Variants in SKAP1 observed in about 807,000 individuals in gnomAD.
SKAP1 encodes src kinase-associated phosphoprotein 1.
SKAP1 carries 44 observed loss-of-function variants against 58.5 expected under a neutral mutation model. The ratio of observed to expected loss-of-function variants is 0.75; its 90% confidence interval spans 0.59 to 0.97. The LOEUF is 0.97. Among genes scored for constraint, SKAP1 ranks in the 50% least tolerant of loss-of-function variants. The pLI is 0.00. For missense variants in SKAP1, 390 were observed against 435.2 expected, an observed-to-expected ratio of 0.90 and a Z score of 0.92; for synonymous variants, 127 against 149.7, an observed-to-expected ratio of 0.85 and a Z score of 1.11.
At chr17:48,274,707 A>AT (rs1345046307) in intron 4 of SKAP1, among the ~76,000 whole-genome samples, 2 of 151,302 alleles carry the variant, frequency 1.3e-5, no homozygotes, top group African/African-American at 2.4e-5. Flanking sequence ...AAAAAAAAAA[A>AT]ATTTTTTTTT....
intron 4 of SKAP1, among the ~76,000 whole-genome samples, chr17:48,329,335 A>G (rs2051540498): frequency 1.3e-5 from 2 of 152,256 alleles, no homozygotes. Flanking sequence ...GCCATTATTA[A>G]TGTGCTACTG....
chr17:48,158,650 T>C (rs1356327701), intron 11 of SKAP1, among the ~76,000 whole-genome samples: 2 of 149,218 alleles, frequency 1.3e-5, no homozygotes, highest in Non-Finnish European at 3.0e-5. Flanking sequence ...AGTTGGATCA[T>C]GCTTGGGTGA....
chr17:48,255,232 T>A (rs958599920), intron 4 of SKAP1, among the ~76,000 whole-genome samples: 1 of 152,076 alleles, frequency 6.6e-6, no homozygotes, highest in African/African-American at 2.4e-5. Context: ...ACAAAATGAC[T>A]GGATCTTAAA....
intron 4 of SKAP1, among the ~76,000 whole-genome samples, chr17:48,222,520 C>A (rs1429600795): frequency 2.0e-5 from 3 of 151,870 alleles, no homozygotes; most frequent in African/African-American, 7.3e-5. Flanking sequence ...TGCTCTGTCA[C>A]CCAGGCTGGA....
chr17:48,286,362 T>C (rs186722737), intron 4 of SKAP1, among the ~76,000 whole-genome samples: 405 of 152,356 alleles, frequency 2.7e-3, no homozygotes, highest in Admixed American at 4.4e-3. Context: ...TGTGCAAGTA[T>C]AAATTATATA....
chr17:48,390,378 A>G (rs2067330194), intron 2 of SKAP1, among the ~76,000 whole-genome samples: 1 of 152,238 alleles, frequency 6.6e-6, no homozygotes, highest in Non-Finnish European at 1.5e-5. Flanking sequence ...AAATGGTGAT[A>G]AAAATGAAGG....
At chr17:48,332,078 C>G (rs1352910407) in intron 4 of SKAP1, among the ~76,000 whole-genome samples, 2 of 152,028 alleles carry the variant, frequency 1.3e-5, no homozygotes, top group Admixed American at 1.3e-4. Context: ...AAAACTACCT[C>G]ATGATTTTAG....
intron 4 of SKAP1, among the ~76,000 whole-genome samples, chr17:48,276,084 CCTAA>C (rs768879370): frequency 4.7e-4 from 71 of 152,158 alleles, no homozygotes; most frequent in Non-Finnish European, 7.1e-4. Flanking sequence ...AAAAATAAAG[CCTAA>C]CTATCAACCG....
At chr17:48,274,789 G>C (rs919704482) in intron 4 of SKAP1, among the ~76,000 whole-genome samples, 9 of 151,912 alleles carry the variant, frequency 5.9e-5, no homozygotes, top group African/African-American at 2.2e-4. Flanking sequence ...TGATTTTCCT[G>C]CCTCAGCCTC....
chr17:48,424,907 G>A (rs1278772943), intron 1 of SKAP1, among the ~76,000 whole-genome samples: 5 of 148,228 alleles, frequency 3.4e-5, no homozygotes, highest in Non-Finnish European at 7.4e-5. Flanking sequence ...ACTCCAAACT[G>A]GAGACAGAGT....
intron 4 of SKAP1, among the ~76,000 whole-genome samples, chr17:48,323,340 A>C (rs1598568131): frequency 6.6e-6 from 1 of 152,074 alleles, no homozygotes; most frequent in Admixed American, 6.6e-5. Flanking sequence ...TATTTTTAGT[A>C]CTGGGAAAAT....
At chr17:48,304,069 C>T (rs56151068) in intron 4 of SKAP1, among the ~76,000 whole-genome samples, 12,435 of 152,182 alleles carry the variant, frequency 0.082, 652 homozygotes, top group East Asian at 0.2. Flanking sequence ...AATTCACAAT[C>T]AGCTATATTA....
chr17:48,221,785 C>G (rs920229217), intron 4 of SKAP1, among the ~76,000 whole-genome samples: 1 of 152,184 alleles, frequency 6.6e-6, no homozygotes, highest in African/African-American at 2.4e-5. Context: ...TCCAGTTCAA[C>G]AGTGGGATGG....
chr17:48,232,649 C>T (rs984284399), intron 4 of SKAP1, among the ~76,000 whole-genome samples: 1 of 152,120 alleles, frequency 6.6e-6, no homozygotes, highest in Non-Finnish European at 1.5e-5. Flanking sequence ...GAGTAAGTAT[C>T]CCATTGGATT....
At chr17:48,192,227 T>C (rs1277293718) in intron 4 of SKAP1, among the ~76,000 whole-genome samples, 1 of 150,912 alleles carries the variant, frequency 6.6e-6, no homozygotes, top group Non-Finnish European at 1.5e-5. Flanking sequence ...ATGAAAGACA[T>C]AGGGAGATGA....
intron 4 of SKAP1, among the ~76,000 whole-genome samples, chr17:48,331,018 G>C (rs886702975): frequency 2.6e-5 from 4 of 152,120 alleles, no homozygotes; most frequent in African/African-American, 9.7e-5. Flanking sequence ...TAAAGTTTGG[G>C]GGGATATTTA....
rs974294192 is a variant in SKAP1, at chr17:48,378,116, C to T, written c.153-14302G>A. 2.6e-5 allele frequency among the ~76,000 whole-genome samples: 4 copies of T among 152,176 alleles called. No homozygotes were observed. The South Asian group carries it at 6.2e-4, about 24-fold the overall frequency. ...CTTTTAATCAATCTCCTCTCCATCT[C>T]TGCAGACACTGAGTTCATCTGAGCT... On this transcript the variant is annotated intron_variant, in intron 2 of 12. Coordinates refer to ENST00000336915, the MANE Select transcript of SKAP1 (RefSeq NM_003726.4).
At chr17:48,159,980 T>C (rs1470944222) in intron 11 of SKAP1, among the ~76,000 whole-genome samples, 1 of 152,078 alleles carries the variant, frequency 6.6e-6, no homozygotes, top group East Asian at 1.9e-4. Flanking sequence ...GTGTAGCTTT[T>C]TGGGAAAGAA....
At chr17:48,331,822 G>A (rs2066511279) in intron 4 of SKAP1, among the ~76,000 whole-genome samples, 1 of 152,064 alleles carries the variant, frequency 6.6e-6, no homozygotes, top group African/African-American at 2.4e-5. Flanking sequence ...TAATAAGCTA[G>A]TTAATAAAGC....
Sources: gnomAD v4.1 joint callset for allele counts (sites outside exome capture counted in the v4.1 genomes callset) on GRCh38, gnomAD v4.1.1 for gene constraint, MANE v1.5 for transcripts, NCBI Gene and HGNC (gene_info 2026-07-23, HGNC 2026-07-21) for gene names.